The following KAZN variants were observed in gnomAD, a reference collection of about 807,000 sequenced individuals.
KAZN encodes kazrin, periplakin interacting protein.
A neutral mutation model predicts 87.4 loss-of-function variants in KAZN; 40 were observed. The observed-to-expected ratio is 0.46, with a 90% CI of 0.36 to 0.60. The LOEUF is 0.60. Among genes scored for constraint, KAZN ranks in the 20% least tolerant of loss-of-function variants. KAZN has a pLI of 0.00. For synonymous variants in KAZN, 466 were observed against 458.3 expected (o/e 1.02, Z -0.22); for missense variants, 898 against 1,073.9 (o/e 0.84, Z 2.29).
At chr1:13,991,273 A>G (rs779252836) in intron 1 of KAZN, among the ~76,000 whole-genome samples, 2 of 152,060 alleles carry the variant, frequency 1.3e-5, no homozygotes, top group African/African-American at 2.4e-5. Context: ...GTAGTGTTTC[A>G]AATATCACAT....
intron 2 of KAZN, among the ~76,000 whole-genome samples, chr1:14,430,804 A>G (rs985235578): frequency 6.6e-6 from 1 of 152,222 alleles, no homozygotes; most frequent in African/African-American, 2.4e-5. Flanking sequence ...GCTTGAAGGC[A>G]TTGCAGTTGG....
At chr1:14,218,364 T>C (rs1407250648) in intron 2 of KAZN, among the ~76,000 whole-genome samples, 3 of 152,142 alleles carry the variant, frequency 2.0e-5, no homozygotes, top group African/African-American at 7.2e-5. Flanking sequence ...CCAATAGCAA[T>C]GACATCTCTA....
chr1:14,167,938 C>T (rs1212423548), intron 1 of KAZN, among the ~76,000 whole-genome samples: 1 of 152,120 alleles, frequency 6.6e-6, no homozygotes, highest in East Asian at 1.9e-4. Flanking sequence ...AATGCCATGG[C>T]CTCTCAGCTT....
chr1:14,840,338 C>G (rs1647814076), intron 1 of KAZN, among the ~76,000 whole-genome samples: 1 of 152,196 alleles, frequency 6.6e-6, no homozygotes, highest in African/African-American at 2.4e-5. Flanking sequence ...AACCTTTTCT[C>G]CCTAATCACG....
At chr1:14,255,675 G>GT (rs1245744235) in intron 2 of KAZN, among the ~76,000 whole-genome samples, 1 of 152,222 alleles carries the variant, frequency 6.6e-6, no homozygotes, top group Non-Finnish European at 1.5e-5. Context: ...ATGGTCATGG[G>GT]TGCAGTACTT....
chr1:14,282,087 ATTTT>A (rs765845213), intron 2 of KAZN, among the ~76,000 whole-genome samples: 1 of 152,174 alleles, frequency 6.6e-6, no homozygotes, highest in Admixed American at 6.5e-5. Flanking sequence ...GAAAAAAAAT[ATTTT>A]TGTTACCTGA....
At chr1:14,254,344 A>G (rs1254060995) in intron 2 of KAZN, among the ~76,000 whole-genome samples, 2 of 152,200 alleles carry the variant, frequency 1.3e-5, no homozygotes, top group Non-Finnish European at 2.9e-5. Context: ...CTCAGAGAGA[A>G]GCTCCCTAGG....
At chr1:14,765,001 T>A (rs1236254849) in intron 1 of KAZN, among the ~76,000 whole-genome samples, 1 of 152,202 alleles carries the variant, frequency 6.6e-6, no homozygotes, top group East Asian at 1.9e-4. Flanking sequence ...GTTTTCTAAA[T>A]TATTTCATCT....
At chr1:14,164,084 T>TCC (rs1645767961) in intron 1 of KAZN, among the ~76,000 whole-genome samples, 1 of 152,220 alleles carries the variant, frequency 6.6e-6, no homozygotes, top group Admixed American at 6.5e-5. Flanking sequence ...GAACTCTACT[T>TCC]CCAGGTATGA....
At chr1:14,437,769 A>G (rs1034941770) in intron 2 of KAZN, among the ~76,000 whole-genome samples, 5 of 152,140 alleles carry the variant, frequency 3.3e-5, no homozygotes, top group Non-Finnish European at 7.3e-5. Flanking sequence ...ACCAGGTTTC[A>G]AAGACATGCA....
chr1:14,458,117 A>G (rs757258191), intron 2 of KAZN, among the ~76,000 whole-genome samples: 2 of 152,102 alleles, frequency 1.3e-5, no homozygotes, highest in Non-Finnish European at 2.9e-5. Flanking sequence ...CACCACGCCC[A>G]GTTGACGTAT....
intron 1 of KAZN, among the ~76,000 whole-genome samples, chr1:14,606,467 A>C (rs558831733): frequency 1.3e-5 from 2 of 152,256 alleles, no homozygotes; most frequent in East Asian, 3.9e-4. Flanking sequence ...GCCACTTATC[A>C]CTAATAAAAA....
chr1:14,366,656 A>G (rs1660026486), intron 2 of KAZN, among the ~76,000 whole-genome samples: 1 of 152,200 alleles, frequency 6.6e-6, no homozygotes, highest in Non-Finnish European at 1.5e-5. Context: ...GAAACGCCGC[A>G]CCAGCATTTA....
intron 1 of KAZN, among the ~76,000 whole-genome samples, chr1:14,075,600 T>C (rs1643420761): frequency 6.6e-6 from 1 of 152,096 alleles, no homozygotes; most frequent in Non-Finnish European, 1.5e-5. Context: ...TAAAAAAAAG[T>C]CATCCAAATT....
intron 1 of KAZN, among the ~76,000 whole-genome samples, chr1:14,683,795 C>A (rs1008792845): frequency 6.6e-6 from 1 of 152,162 alleles, no homozygotes; most frequent in African/African-American, 2.4e-5. Context: ...TCCTCTCCAC[C>A]CTGTATCCTC....
chr1:14,235,082 C>T (rs1418679514), intron 2 of KAZN, among the ~76,000 whole-genome samples: 1 of 152,192 alleles, frequency 6.6e-6, no homozygotes, highest in Non-Finnish European at 1.5e-5. Context: ...AAAACTTATG[C>T]ACAGATGCTC....
chr1:14,335,690 G>A (rs1457840226), intron 2 of KAZN, among the ~76,000 whole-genome samples: 1 of 152,144 alleles, frequency 6.6e-6, no homozygotes, highest in Non-Finnish European at 1.5e-5. Flanking sequence ...AAATTACCCA[G>A]CCTCAGGTAT....
intron 8 of KAZN, among the ~76,000 whole-genome samples, chr1:15,069,378 A>G (rs550780462): frequency 6.6e-6 from 1 of 152,354 alleles, no homozygotes; most frequent in East Asian, 1.9e-4. Flanking sequence ...ACTTTGGCCC[A>G]GAGAGGAATG....
intron 2 of KAZN, among the ~76,000 whole-genome samples, chr1:14,561,749 C>G (rs1674267522): frequency 6.6e-6 from 1 of 151,826 alleles, no homozygotes; most frequent in Non-Finnish European, 1.5e-5. Flanking sequence ...ACTAAAAATA[C>G]AAAAATTAGC....
Sources: gnomAD v4.1 joint callset for allele counts (sites outside exome capture counted in the v4.1 genomes callset) on GRCh38, gnomAD v4.1.1 for gene constraint, MANE v1.5 for transcripts, NCBI Gene and HGNC (gene_info 2026-07-23, HGNC 2026-07-21) for gene names.